Variants in KLHDC1 observed in about 807,000 individuals in gnomAD.
KLHDC1 encodes kelch domain containing 1.
Under a neutral mutation model 68.3 loss-of-function variants are expected in KLHDC1, and 53 were observed. The ratio of observed to expected loss-of-function variants is 0.78; its 90% CI spans 0.62 to 0.98. The LOEUF (loss-of-function observed/expected upper bound fraction) is 0.98. KLHDC1 is among the 50% of genes least tolerant of loss of function. The probability of loss-of-function intolerance (pLI) is 0.00; values close to 1 mark genes in which losing one functional copy is unlikely to be tolerated. For synonymous variants in KLHDC1, 148 were observed against 159.0 expected (o/e 0.93, Z 0.52); for missense variants, 470 against 492.3 (o/e 0.95, Z 0.43).
chr14:49,733,252 AG>A (rs1888857618), intron 9 of KLHDC1, among the ~76,000 whole-genome samples: 1 of 152,076 alleles, frequency 6.6e-6, no homozygotes, highest in Non-Finnish European at 1.5e-5. Context: ...AGAGCTGTAG[AG>A]GAAAGTGTTT....
intron 12 of KLHDC1, among the ~76,000 whole-genome samples, chr14:49,750,088 C>T (rs937221209): frequency 5.9e-5 from 9 of 152,064 alleles, no homozygotes; most frequent in Admixed American, 4.6e-4. Flanking sequence ...ATGAAATATT[C>T]TTATATATTA....
intron 12 of KLHDC1, among the ~76,000 whole-genome samples, chr14:49,750,541 A>G (rs1344958696): frequency 6.6e-6 from 1 of 152,182 alleles, no homozygotes; most frequent in East Asian, 1.9e-4. Context: ...AAAAGCTTCA[A>G]AGAGTAGAGA....
At chr14:49,734,243 C>T (rs1332934063) in intron 9 of KLHDC1, among the ~76,000 whole-genome samples, 1 of 151,990 alleles carries the variant, frequency 6.6e-6, no homozygotes, top group Non-Finnish European at 1.5e-5. Context: ...GTGATAATGG[C>T]ATTGTGGTTA....
intron 4 of KLHDC1, among the ~76,000 whole-genome samples, chr14:49,720,155 T>G (rs1170044233): frequency 6.6e-6 from 1 of 152,126 alleles, no homozygotes. Context: ...CCCGGCTAAT[T>G]TTGTATTTTT....
chr14:49,712,840 A>G (rs1888242563), intron 4 of KLHDC1, among the ~76,000 whole-genome samples: 1 of 150,878 alleles, frequency 6.6e-6, no homozygotes, highest in South Asian at 2.1e-4. Context: ...GGGTTTCACC[A>G]TGTTGGTCAG....
At chr14:49,702,043 C>T (rs1284966885) in intron 1 of KLHDC1, among the ~76,000 whole-genome samples, 1 of 151,918 alleles carries the variant, frequency 6.6e-6, no homozygotes, top group Non-Finnish European at 1.5e-5. Context: ...TGGCACATGC[C>T]TGTAATCCCA....
chr14:49,717,146 C>T lies in KLHDC1; in HGVS notation c.405-6728C>T, dbSNP rs375041597. Among the ~76,000 whole-genome samples the T allele has an allele frequency of 7.2e-5, 11 of 152,200 alleles. No homozygotes were observed. The East Asian group carries it at 1.5e-3, about 21-fold the overall frequency. ...GATGCTTGGGTTGTGTCTACCTTTT[C>T]GCTATTTGTGAATAATGCTGCTATC... is the stretch of plus-strand genomic sequence containing the variant. On this transcript the variant is annotated intron_variant, in intron 4 of 12. Coordinates refer to ENST00000359332, the MANE Select transcript of KLHDC1 (RefSeq NM_172193.3).
At chr14:49,704,795 A>G (rs1433314478) in intron 1 of KLHDC1, among the ~76,000 whole-genome samples, 2 of 152,166 alleles carry the variant, frequency 1.3e-5, no homozygotes, top group Non-Finnish European at 2.9e-5. Flanking sequence ...TTGTATATTA[A>G]TAGGAATAAT....
At chr14:49,737,780 A>C (rs1469957857) in intron 10 of KLHDC1, among the ~76,000 whole-genome samples, 6 of 149,192 alleles carry the variant, frequency 4.0e-5, no homozygotes, top group Non-Finnish European at 7.4e-5. Context: ...TGGGAGGATC[A>C]CTTGAGCCTG....
At position 49,751,869 on chromosome 14, in the gene KLHDC1, T is replaced by C. The variant is rs1889328633; in HGVS notation, c.*97T>C. On this transcript the variant is annotated 3_prime_UTR_variant, in exon 13 of 13. Coordinates refer to ENST00000359332, the MANE Select transcript of KLHDC1 (RefSeq NM_172193.3). ...GCAGGCTTTATTTAAAGGATAAAAT[T>C]TAAAGGATAAAAAAACAGTCACTCT... 5.4e-6 allele frequency: 3 copies of C among 551,426 alleles called. No homozygotes were observed. The South Asian group carries it at 1.7e-4, about 31-fold the overall frequency. The allele number at this position is 551,426 out of a possible 1,614,324, so 34.2% of individuals were successfully genotyped here. A position where few individuals can be genotyped will look rare whatever the true frequency, so the allele number is the denominator to read the frequency against.
At chr14:49,745,833 C>G (rs574738554) in intron 12 of KLHDC1, among the ~76,000 whole-genome samples, 1 of 152,298 alleles carries the variant, frequency 6.6e-6, no homozygotes, top group African/African-American at 2.4e-5. Flanking sequence ...AGAACTTTAT[C>G]TCTCTTTTAC....
intron 1 of KLHDC1, among the ~76,000 whole-genome samples, chr14:49,705,911 G>A (rs972111615): frequency 1.3e-5 from 2 of 152,104 alleles, no homozygotes; most frequent in Non-Finnish European, 2.9e-5. Context: ...GAGATATTTT[G>A]ATACAGGCAT....
At chr14:49,711,562 A>G (rs1455529721) in intron 4 of KLHDC1, among the ~76,000 whole-genome samples, 3 of 150,256 alleles carry the variant, frequency 2.0e-5, no homozygotes, top group Non-Finnish European at 4.4e-5. Context: ...CTGGCCTCGA[A>G]CTCCTGACCT....
intron 4 of KLHDC1, 142 bp from the exon 5 acceptor site, chr14:49,723,732 C>T: frequency 1.8e-6 from 1 of 563,902 alleles, no homozygotes; most frequent in Non-Finnish European, 3.1e-6. Context: ...TTATTTAGGT[C>T]TCTTTGTTCC....
chr14:49,734,183 TC>T (rs1401449897), intron 9 of KLHDC1, among the ~76,000 whole-genome samples: 1 of 152,180 alleles, frequency 6.6e-6, no homozygotes, highest in Non-Finnish European at 1.5e-5. Context: ...TAAGATTTGG[TC>T]ATATGGATAT....
rs766696187 is a variant in KLHDC1 at position 49,710,291 on chromosome 14, A to G, written c.314A>G (p.Asp105Gly). ...TATTTTGTTAATTTACGAACAAGAG[A>G]TGAAACCTACATTTGGGAGAAAATC... is the stretch of plus-strand genomic sequence containing the variant. ...RLYFVNLRTR[D>G]ETYIWEKITD... The change falls in exon 4 of 13, where the codon GAT becomes GGT. Residue 105 changes from aspartate to glycine, a missense_variant. Coordinates refer to ENST00000359332, the MANE Select transcript of KLHDC1 (RefSeq NM_172193.3). The G allele has an allele frequency of 2.2e-5, 35 of 1,607,812 alleles. No homozygotes were observed. In the Middle Eastern group the frequency reaches 6.6e-4, roughly 30 times the overall value.
At chr14:49,736,271 G>A (rs556074976) in intron 10 of KLHDC1, among the ~76,000 whole-genome samples, 17 of 152,224 alleles carry the variant, frequency 1.1e-4, no homozygotes, top group African/African-American at 4.1e-4. Flanking sequence ...TTTTAATTCA[G>A]CTGATGTGTC....
chr14:49,730,382 C>G (rs1888774799), intron 8 of KLHDC1, among the ~76,000 whole-genome samples: 1 of 151,892 alleles, frequency 6.6e-6, no homozygotes, highest in African/African-American at 2.4e-5. Flanking sequence ...CCACCACGCC[C>G]AGCTAATTTT....
At chr14:49,693,500 A>C (rs2139721935) in intron 1 of KLHDC1, among the ~76,000 whole-genome samples, 1 of 151,886 alleles carries the variant, frequency 6.6e-6, no homozygotes, top group South Asian at 2.1e-4. Flanking sequence ...TTAAAGCCTC[A>C]GACCCGGCTC....
Sources: gnomAD v4.1 joint callset for allele counts (sites outside exome capture counted in the v4.1 genomes callset) on GRCh38, gnomAD v4.1.1 for gene constraint, MANE v1.5 for transcripts, NCBI Gene and HGNC (gene_info 2026-07-23, HGNC 2026-07-21) for gene names.